The following CSMD1 variants were observed in gnomAD, a reference collection of about 807,000 sequenced individuals.
The protein encoded by CSMD1 is CUB and sushi domain-containing protein 1.
In CSMD1, 213 loss-of-function variants were observed where a neutral mutation model predicts 417.5. That is an observed-to-expected ratio of 0.51 (90% confidence interval 0.46 to 0.57). CSMD1 has a LOEUF of 0.57. Among genes scored for constraint, CSMD1 ranks in the 20% least tolerant of loss-of-function variants. The probability of loss-of-function intolerance (pLI) is 0.00; values close to 1 mark genes in which losing one functional copy is unlikely to be tolerated. For missense variants in CSMD1, 6,923 were observed against 4,529.7 expected, an observed-to-expected ratio of 1.53 and a Z score of -15.17; for synonymous variants, 2,862 against 1,736.8, an observed-to-expected ratio of 1.65 and a Z score of -16.11.
At chr8:2,987,536 TA>T (rs1806028116) in intron 54 of CSMD1, among the ~76,000 whole-genome samples, 1 of 151,992 alleles carries the variant, frequency 6.6e-6, no homozygotes, top group African/African-American at 2.4e-5. Context: ...TATTCACTAC[TA>T]TTTTGAAAGA....
intron 5 of CSMD1, among the ~76,000 whole-genome samples, chr8:3,820,997 A>G (rs3115651): frequency 1.8e-3 from 275 of 151,054 alleles, no homozygotes; most frequent in Non-Finnish European, 3.3e-3. Context: ...GTTCACTGCA[A>G]CCTCCACATC....
chr8:3,784,185 C>G (rs969093499), intron 5 of CSMD1, among the ~76,000 whole-genome samples: 7 of 152,152 alleles, frequency 4.6e-5, no homozygotes, highest in African/African-American at 1.4e-4. Context: ...AGTGTCACAC[C>G]TTGGGAAAGG....
chr8:3,358,687 T>A (rs1050764277), intron 21 of CSMD1, among the ~76,000 whole-genome samples: 6 of 152,002 alleles, frequency 3.9e-5, no homozygotes, highest in Non-Finnish European at 8.8e-5. Flanking sequence ...TTAGCAGGAG[T>A]GTGCAACCAT....
At chr8:3,865,527 G>A (rs1181927475) in intron 5 of CSMD1, among the ~76,000 whole-genome samples, 1 of 151,944 alleles carries the variant, frequency 6.6e-6, no homozygotes, top group Non-Finnish European at 1.5e-5. Flanking sequence ...AGAGTTGGGG[G>A]TGGAGGCAAT....
At chr8:4,398,106 T>G (rs1294711224) in intron 3 of CSMD1, among the ~76,000 whole-genome samples, 2 of 152,192 alleles carry the variant, frequency 1.3e-5, no homozygotes, top group African/African-American at 4.8e-5. Context: ...TGCCATCTTT[T>G]ATGTTGCTAA....
intron 26 of CSMD1, chr8:3,278,331 A>T (rs181941843): frequency 6.6e-6 from 1 of 152,218 alleles, no homozygotes; most frequent in Non-Finnish European, 1.5e-5. Context: ...TAGTAATTCA[A>T]ATGTGTCCAA....
chr8:3,037,232 G>T, intron 50 of CSMD1, among the ~76,000 whole-genome samples: 1 of 142,210 alleles, frequency 7.0e-6, no homozygotes, highest in Non-Finnish European at 1.6e-5. Context: ...TTGAGACGGA[G>T]TCTCGCTCTG....
chr8:3,441,500 TATATATATATAC>T (rs1814982390), intron 12 of CSMD1, among the ~76,000 whole-genome samples: 1 of 107,958 alleles, frequency 9.3e-6, no homozygotes, highest in Admixed American at 1.0e-4. Flanking sequence ...TTCATATATA[TATATATATATAC>T]ACACACACAC....
intron 3 of CSMD1, among the ~76,000 whole-genome samples, chr8:4,386,935 G>C (rs1371395005): frequency 1.3e-5 from 2 of 152,178 alleles, no homozygotes; most frequent in South Asian, 4.1e-4. Context: ...TAATACTATT[G>C]ATAGAAAAAT....
At chr8:3,239,731 C>T (rs573874103) in intron 26 of CSMD1, among the ~76,000 whole-genome samples, 16 of 152,134 alleles carry the variant, frequency 1.1e-4, no homozygotes, top group East Asian at 1.9e-4. Context: ...TGGCGTGGGG[C>T]GATTAGGCCT....
intron 6 of CSMD1, among the ~76,000 whole-genome samples, chr8:3,741,189 G>A (rs544697618): frequency 8.0e-5 from 11 of 136,856 alleles, no homozygotes; most frequent in South Asian, 4.8e-4. Context: ...AGTCCAGCCC[G>A]GGCAACAGAG....
chr8:3,449,869 T>A (rs544004106), intron 12 of CSMD1, among the ~76,000 whole-genome samples: 5 of 152,298 alleles, frequency 3.3e-5, no homozygotes, highest in Non-Finnish European at 4.4e-5. Context: ...AAGCCTCACG[T>A]TGTAAAGTTT....
intron 12 of CSMD1, among the ~76,000 whole-genome samples, chr8:3,461,119 G>C (rs1248922111): frequency 6.6e-6 from 1 of 152,130 alleles, no homozygotes; most frequent in Non-Finnish European, 1.5e-5. Flanking sequence ...CATCAGATGC[G>C]GCCCTCATCG....
At chr8:3,379,711 C>G (rs909171616) in intron 18 of CSMD1, among the ~76,000 whole-genome samples, 3 of 152,136 alleles carry the variant, frequency 2.0e-5, no homozygotes, top group South Asian at 2.1e-4. Flanking sequence ...AAAACTGAAA[C>G]TGGACCCCTT....
At chr8:3,533,121 G>C (rs1251643894) in intron 10 of CSMD1, among the ~76,000 whole-genome samples, 2 of 152,162 alleles carry the variant, frequency 1.3e-5, no homozygotes, top group African/African-American at 4.8e-5. Context: ...GGAAAAGCAT[G>C]AAAGGACTTA....
chr8:4,060,798 A>C (rs780631543), intron 3 of CSMD1, among the ~76,000 whole-genome samples: 7 of 152,188 alleles, frequency 4.6e-5, no homozygotes, highest in Non-Finnish European at 1.0e-4. Context: ...GATTAAAAAA[A>C]GGTAGGAATG....
At chr8:4,423,240 C>T (rs563023907) in intron 2 of CSMD1, among the ~76,000 whole-genome samples, 1 of 151,864 alleles carries the variant, frequency 6.6e-6, no homozygotes, top group Admixed American at 6.6e-5. Context: ...AAAATATATG[C>T]GTATGGGTCA....
intron 49 of CSMD1, among the ~76,000 whole-genome samples, chr8:3,086,333 T>G (rs1368223581): frequency 6.6e-6 from 1 of 152,124 alleles, no homozygotes; most frequent in African/African-American, 2.4e-5. Flanking sequence ...TAATACAGGC[T>G]GTCTGATCAA....
intron 3 of CSMD1, among the ~76,000 whole-genome samples, chr8:4,071,130 T>C (rs1455150106): frequency 1.3e-5 from 2 of 152,148 alleles, no homozygotes; most frequent in African/African-American, 4.8e-5. Context: ...TTTTTCTTTT[T>C]TTTCCAAATT....
Sources: gnomAD v4.1 joint callset for allele counts (sites outside exome capture counted in the v4.1 genomes callset) on GRCh38, gnomAD v4.1.1 for gene constraint, MANE v1.5 for transcripts, NCBI Gene and HGNC (gene_info 2026-07-23, HGNC 2026-07-21) for gene names.